XIRP2: variants seen among roughly 807,000 people sequenced by gnomAD.
The protein encoded by XIRP2 is xin actin binding repeat containing 2.
In XIRP2, 236 loss-of-function variants were observed where a neutral mutation model predicts 277.0. The ratio of observed to expected loss-of-function variants is 0.85; its 90% CI spans 0.77 to 0.95. XIRP2 has a LOEUF of 0.95. Among genes scored for constraint, XIRP2 ranks in the 40% least tolerant of loss-of-function variants. The pLI is 0.00. For missense variants in XIRP2, 4,640 were observed against 4,157.5 expected (o/e 1.12, Z -3.19); for synonymous variants, 1,490 against 1,416.5 (o/e 1.05, Z -1.17).
chr2:167,023,363 T>G (rs1688044392), intron 2 of XIRP2, among the ~76,000 whole-genome samples: 1 of 152,076 alleles, frequency 6.6e-6, no homozygotes, highest in African/African-American at 2.4e-5. Flanking sequence ...TAGCCCTTTG[T>G]CAGATGAGTA....
intron 2 of XIRP2, among the ~76,000 whole-genome samples, chr2:167,121,648 A>G (rs1005707647): frequency 6.6e-6 from 1 of 152,156 alleles, no homozygotes; most frequent in Non-Finnish European, 1.5e-5. Flanking sequence ...GATAATCCTA[A>G]AATACTTTAG....
In XIRP2 at chr2:167,085,238, T is replaced by G. The variant is rs1341577762; in HGVS notation, c.409-50671T>G. Among the ~76,000 whole-genome samples the G allele has an allele frequency of 7.3e-5, 11 of 151,632 alleles. No individual in the cohort carries two copies. The South Asian group carries it at 1.9e-3, about 26-fold the overall frequency. ...TCAGGAGCAGGTTGTTCAGTTTCCA[T>G]GTAGTTGAGCGGTTTTGAGTGAGTT... On this transcript the variant is annotated intron_variant, in intron 2 of 10. Transcript: ENST00000409195.
chr2:167,080,929 G>C (rs1274666102), intron 2 of XIRP2, among the ~76,000 whole-genome samples: 2 of 151,934 alleles, frequency 1.3e-5, no homozygotes, highest in Non-Finnish European at 2.9e-5. Context: ...TGCAAGTTTT[G>C]AGACAACAAT....
rs767399201 is a variant in XIRP2, at chr2:167,210,928, A to G, written c.723+33A>G. ...GCTCCTAATGGTTTTGCACTAGGCA[A>G]TGTGCTTACTGTCTGTCCCAATTCC... On this transcript the variant is annotated intron_variant, in intron 4 of 10. Coordinates refer to ENST00000409195, the MANE Select transcript of XIRP2 (RefSeq NM_152381.6). 1.3e-5 allele frequency: 21 copies of G among 1,611,404 alleles called. No individual in the cohort carries two copies. In the South Asian group the frequency reaches 2.1e-4, roughly 16 times the overall value.
intron 3 of XIRP2, among the ~76,000 whole-genome samples, chr2:167,190,355 C>T (rs1693293063): frequency 6.6e-6 from 1 of 152,022 alleles, no homozygotes; most frequent in Non-Finnish European, 1.5e-5. Context: ...GGCAACCAGC[C>T]CCTATCCTGA....
chr2:166,953,770 G>A (rs1686095358), intron 2 of XIRP2, among the ~76,000 whole-genome samples: 1 of 151,800 alleles, frequency 6.6e-6, no homozygotes, highest in Non-Finnish European at 1.5e-5. Context: ...TTATTCTACT[G>A]TAGACATTCT....
chr2:167,228,388 G>T (rs1309857952), intron 5 of XIRP2, among the ~76,000 whole-genome samples: 1 of 152,118 alleles, frequency 6.6e-6, no homozygotes, highest in Non-Finnish European at 1.5e-5. Context: ...CTTCCCCTAT[G>T]GGAACATGGT....
At chr2:166,928,526 G>A (rs531406768) in intron 2 of XIRP2, among the ~76,000 whole-genome samples, 7 of 152,218 alleles carry the variant, frequency 4.6e-5, no homozygotes, top group African/African-American at 1.7e-4. Context: ...GACTGATGAT[G>A]TATTCCAGGA....
At position 167,247,354 on chromosome 2, in the gene XIRP2, G is replaced by C. The variant is rs768107526; in HGVS notation, c.5962G>C (p.Ala1988Pro). 2.5e-6 allele frequency: 4 copies of C among 1,613,606 alleles called. No individual in the cohort carries two copies. Among genetic ancestry groups the C allele is most frequent in the Middle Eastern group, 1.6e-4 (1 of 6,078 alleles). Residue 1988 changes from alanine to proline, a missense_variant, in exon 9 of 11, where the codon GCC (alanine) becomes CCC (proline). Physicochemically the swap from Ala to Pro is conservative, Grantham distance 27. Transcript: ENST00000409195. The part of the protein sequence containing the change: ...QPKPGPFEPA[A>P]KWQGGADTLS... ...AAAGCCAGGTCCATTTGAGCCAGCG[G>C]CCAAGTGGCAAGGGGGAGCAGATAC...
intron 3 of XIRP2, among the ~76,000 whole-genome samples, chr2:167,167,397 G>T (rs919255671): frequency 7.9e-5 from 12 of 151,984 alleles, no homozygotes; most frequent in African/African-American, 2.9e-4. Context: ...AGTTGCTCCT[G>T]TTGTTTTTGT....
At chr2:167,081,855 G>A (rs562277687) in intron 2 of XIRP2, among the ~76,000 whole-genome samples, 1 of 151,982 alleles carries the variant, frequency 6.6e-6, no homozygotes, top group East Asian at 1.9e-4. Flanking sequence ...AATGATTCTT[G>A]TTTCCATCAA....
chr2:167,199,558 A>G lies in XIRP2; in HGVS notation c.563-11177A>G, dbSNP rs532905937. Among the ~76,000 whole-genome samples, 9 of 152,296 alleles carry G rather than the reference A, an allele frequency of 5.9e-5. No homozygotes were observed. The East Asian group carries it at 1.7e-3, about 29-fold the overall frequency. On this transcript the variant is annotated intron_variant, in intron 3 of 10. Transcript: ENST00000409195. ...TAGTATGCACAGGTCATCCCCATCT[A>G]CCAATGCACTGCTTTGACCCAGAAT...
At chr2:167,024,854 G>A (rs1031904630) in intron 2 of XIRP2, among the ~76,000 whole-genome samples, 1 of 152,142 alleles carries the variant, frequency 6.6e-6, no homozygotes, top group African/African-American at 2.4e-5. Flanking sequence ...GATTTGGTTT[G>A]CCAGTATTTT....
chr2:167,016,642 G>T (rs1227778411), intron 2 of XIRP2, among the ~76,000 whole-genome samples: 1 of 151,836 alleles, frequency 6.6e-6, no homozygotes, highest in African/African-American at 2.4e-5. Flanking sequence ...CAGCTGCTAA[G>T]GTAGAATCAA....
At chr2:167,182,746 A>G (rs1385566881) in intron 3 of XIRP2, among the ~76,000 whole-genome samples, 1 of 152,224 alleles carries the variant, frequency 6.6e-6, no homozygotes, top group Non-Finnish European at 1.5e-5. Flanking sequence ...AGAAAATAAT[A>G]AAGGTAAATC....
intron 2 of XIRP2, among the ~76,000 whole-genome samples, chr2:167,047,747 C>A (rs1260703113): frequency 1.3e-5 from 2 of 151,812 alleles, no homozygotes; most frequent in Non-Finnish European, 2.9e-5. Flanking sequence ...ATTTTGATTT[C>A]TTTATGGCTA....
intron 2 of XIRP2, among the ~76,000 whole-genome samples, chr2:167,021,477 T>G (rs1574171352): frequency 6.6e-6 from 1 of 152,122 alleles, no homozygotes; most frequent in East Asian, 1.9e-4. Context: ...AGCTCTTACT[T>G]TTGGTATACT....
chr2:167,082,969 TG>T (rs1326070166), intron 2 of XIRP2, among the ~76,000 whole-genome samples: 1 of 152,240 alleles, frequency 6.6e-6, no homozygotes, highest in Non-Finnish European at 1.5e-5. Flanking sequence ...TTGTCAATTT[TG>T]TCATTTGTTG....
Position 167,258,286 on chromosome 2 carries a change from G to T in XIRP2, c.*469G>T, listed in dbSNP as rs747917850. The T allele has an allele frequency of 6.2e-7, 1 of 1,613,370 alleles. No individual in the cohort carries two copies. Among genetic ancestry groups the T allele is most frequent in the Admixed American group, 1.7e-5 (1 of 59,890 alleles). On this transcript the variant is annotated 3_prime_UTR_variant, in exon 11 of 11. Transcript: ENST00000409195. ...CCCCTGAATTTAAAAGTGAATCTCT[G>T]CTAGAAGATGTTAGAACTCCAGAAA...
Sources: gnomAD v4.1 joint callset for allele counts (sites outside exome capture counted in the v4.1 genomes callset) on GRCh38, gnomAD v4.1.1 for gene constraint, MANE v1.5 for transcripts, NCBI Gene and HGNC (gene_info 2026-07-23, HGNC 2026-07-21) for gene names.